PATJ: variants seen among roughly 807,000 people sequenced by gnomAD.
PATJ encodes PATJ crumbs cell polarity complex component.
Under a neutral mutation model 224.9 loss-of-function variants are expected in PATJ, and 190 were observed. That is an observed-to-expected ratio of 0.84 (90% confidence interval 0.75 to 0.95). The LOEUF (loss-of-function observed/expected upper bound fraction) is 0.95. PATJ is among the 40% of genes least tolerant of loss of function. The pLI, the probability that PATJ is intolerant of heterozygous loss-of-function variation, is 0.00. For synonymous variants in PATJ, 769 were observed against 820.3 expected (o/e 0.94, Z 1.07); for missense variants, 2,121 against 2,270.3 (o/e 0.93, Z 1.34).
At chr1:61,908,618 A>G in intron 25 of PATJ, 136 bp downstream of exon 25, 1 of 613,006 alleles carries the variant, frequency 1.6e-6, no homozygotes, top group South Asian at 2.1e-5. Context: ...CTTCATAAAA[A>G]TTTAGTCATA....
chr1:62,040,308 C>A (rs1651232992), intron 30 of PATJ, among the ~76,000 whole-genome samples: 2 of 151,850 alleles, frequency 1.3e-5, no homozygotes, highest in South Asian at 4.1e-4. Context: ...GGGGTTTCAC[C>A]ATGTTGGCCA....
intron 28 of PATJ, among the ~76,000 whole-genome samples, chr1:61,993,350 G>A (rs566992341): frequency 5.9e-5 from 9 of 152,244 alleles, no homozygotes; most frequent in South Asian, 4.1e-4. Flanking sequence ...CTGTCTGGGC[G>A]TGCTACCCAC....
intron 24 of PATJ, among the ~76,000 whole-genome samples, chr1:61,905,228 G>A (rs1412177685): frequency 6.6e-6 from 1 of 152,240 alleles, no homozygotes; most frequent in Non-Finnish European, 1.5e-5. Context: ...GTTTTCTGGG[G>A]TGTCAGAGAT....
At chr1:61,992,193 C>G (rs539612141) in intron 28 of PATJ, among the ~76,000 whole-genome samples, 5 of 151,232 alleles carry the variant, frequency 3.3e-5, no homozygotes, top group African/African-American at 1.2e-4. Context: ...TCTCGGTTCA[C>G]TGCAACCTCT....
chr1:61,939,552 T>C (rs1339459034), intron 27 of PATJ, among the ~76,000 whole-genome samples: 1 of 151,992 alleles, frequency 6.6e-6, no homozygotes, highest in East Asian at 1.9e-4. Context: ...TTAACAATAT[T>C]AATCATCATT....
intron 26 of PATJ, among the ~76,000 whole-genome samples, chr1:61,921,094 G>T (rs1042000788): frequency 1.3e-5 from 2 of 151,970 alleles, no homozygotes; most frequent in Admixed American, 6.6e-5. Context: ...TATCTTCTGT[G>T]ATCAATATTT....
At chr1:62,001,559 C>T (rs1974191) in intron 28 of PATJ, among the ~76,000 whole-genome samples, 39,072 of 146,194 alleles carry the variant, frequency 0.27, 5,872 homozygotes, top group East Asian at 0.47. Flanking sequence ...ATCTCTGTTT[C>T]GGTACCAGTA....
chr1:61,766,028 C>T (rs1032952885), intron 3 of PATJ, among the ~76,000 whole-genome samples: 1 of 152,156 alleles, frequency 6.6e-6, no homozygotes, highest in African/African-American at 2.4e-5. Context: ...AGTGTACATG[C>T]TGTTAACTTG....
At chr1:61,907,927 T>C (rs1296675783) in intron 24 of PATJ, among the ~76,000 whole-genome samples, 1 of 152,216 alleles carries the variant, frequency 6.6e-6, no homozygotes, top group Non-Finnish European at 1.5e-5. Flanking sequence ...ATTTGAGAAA[T>C]GTTCAACTAC....
chr1:61,815,062 G>A (rs950900613), intron 14 of PATJ, among the ~76,000 whole-genome samples: 1 of 152,244 alleles, frequency 6.6e-6, no homozygotes, highest in Non-Finnish European at 1.5e-5. Context: ...TAAGATAGTT[G>A]TAGATTGTAA....
chr1:62,123,193 T>C (rs1435357225), intron 39 of PATJ, 135 bp downstream of exon 39: 6 of 619,684 alleles, frequency 9.7e-6, no homozygotes, highest in Non-Finnish European at 1.7e-5. Context: ...ATGGTCTAAA[T>C]AACATCAATA....
Position 62,136,015 on chromosome 1 carries a change from A to ATTTTTTTTTTT in PATJ, c.5271+7089_5271+7099dup, listed in dbSNP as rs374594803. ...GCTTCACACTTCTTCAGACCATTAGATTTTTTTTTTTTTTTTTTTTTTTTT... is the reference window on the plus strand; with the variant it reads ...GCTTCACACTTCTTCAGACCATTAGATTTTTTTTTTTTTTTTTTTTTTTTTTTTTTTTTTTT... On this transcript the variant is annotated intron_variant, in intron 41 of 43. Coordinates refer to ENST00000642238, the MANE Select transcript of PATJ (RefSeq NM_001350145.3). 7.8e-5 allele frequency among the ~76,000 whole-genome samples: 5 copies of ATTTTTTTTTTT among 63,880 alleles called. 1 individual carries two copies. Among genetic ancestry groups the ATTTTTTTTTTT allele is most frequent in the East Asian group, 1.2e-3 (2 of 1,622 alleles). The allele number at this position is 63,880 out of a possible 152,430, so 41.9% of individuals were successfully genotyped here.
At chr1:61,821,675 A>G (rs1022749146) in intron 14 of PATJ, among the ~76,000 whole-genome samples, 4 of 152,208 alleles carry the variant, frequency 2.6e-5, no homozygotes, top group African/African-American at 9.6e-5. Flanking sequence ...GCCACATGGT[A>G]GATGCACTGC....
intron 39 of PATJ, among the ~76,000 whole-genome samples, chr1:62,127,761 C>T (rs1373803878): frequency 2.6e-5 from 4 of 151,972 alleles, no homozygotes; most frequent in African/African-American, 4.8e-5. Flanking sequence ...GACCTGAGAT[C>T]GTGCCATTGC....
At chr1:61,984,230 T>G (rs11207883) in intron 27 of PATJ, among the ~76,000 whole-genome samples, 39,112 of 149,918 alleles carry the variant, frequency 0.26, 5,435 homozygotes, top group East Asian at 0.45. Flanking sequence ...GTGCCATCTC[T>G]GCTCACTGCA....
chr1:61,823,121 A>G lies in PATJ; in HGVS notation c.1818+42A>G, dbSNP rs530285536. 18 of 1,605,210 alleles carry G rather than the reference A, an allele frequency of 1.1e-5. No homozygotes were observed. The South Asian group carries it at 1.7e-4, about 15-fold the overall frequency. The stretch of plus-strand genomic sequence containing the variant: ...AAGAAAGACACAGGCAAGAATCTGT[A>G]AGTTTTAGGAAAACGTGTTCTCATC... On this transcript the variant is annotated intron_variant, in intron 15 of 43. Transcript: ENST00000642238.
intron 1 of PATJ, among the ~76,000 whole-genome samples, chr1:61,747,253 C>T (rs185056855): frequency 3.3e-5 from 5 of 152,066 alleles, no homozygotes; most frequent in East Asian, 3.9e-4. Flanking sequence ...TTTTAGGTTC[C>T]GGTGCAAATG....
intron 20 of PATJ, among the ~76,000 whole-genome samples, chr1:61,869,845 A>C (rs143853880): frequency 5.1e-4 from 78 of 152,340 alleles, no homozygotes; most frequent in Non-Finnish European, 9.3e-4. Flanking sequence ...GGGAGCACTC[A>C]GGTGAGCGGG....
chr1:61,801,890 T>G, intron 12 of PATJ, 121 bp downstream of exon 12: 1 of 656,242 alleles, frequency 1.5e-6, no homozygotes, highest in South Asian at 4.9e-5. Flanking sequence ...AAATAGGATA[T>G]TCTTAATATC....
Sources: gnomAD v4.1 joint callset for allele counts (sites outside exome capture counted in the v4.1 genomes callset) on GRCh38, gnomAD v4.1.1 for gene constraint, MANE v1.5 for transcripts, NCBI Gene and HGNC (gene_info 2026-07-23, HGNC 2026-07-21) for gene names.